The following ARB2A variants were observed in gnomAD, a reference collection of about 807,000 sequenced individuals.
The protein encoded by ARB2A is cotranscriptional regulator ARB2A.
the ARB2A span, among the ~76,000 whole-genome samples, chr5:93,997,234 C>A: frequency 6.6e-6 from 1 of 151,968 alleles, no homozygotes; most frequent in African/African-American, 2.4e-5. Context: ...ACCTTGTCAG[C>A]CTCCAAAGAA....
the ARB2A span, among the ~76,000 whole-genome samples, chr5:93,933,771 C>T: frequency 0.049 from 7,482 of 151,892 alleles, 262 homozygotes; most frequent in Middle Eastern, 0.15. Flanking sequence ...CTGCATGTTC[C>T]GCACATGTAT....
the ARB2A span, among the ~76,000 whole-genome samples, chr5:93,979,657 T>A: frequency 6.6e-6 from 1 of 152,120 alleles, no homozygotes; most frequent in African/African-American, 2.4e-5. Flanking sequence ...ATATATCACA[T>A]TAAAATTTTG....
the ARB2A span, among the ~76,000 whole-genome samples, chr5:93,911,566 G>A: frequency 1.3e-5 from 2 of 151,356 alleles, no homozygotes; most frequent in African/African-American, 4.8e-5. Flanking sequence ...CTAGCAAGTA[G>A]ATGAGACAAA....
chr5:93,902,558 A>G, the ARB2A span, among the ~76,000 whole-genome samples: 241 of 152,258 alleles, frequency 1.6e-3, 1 homozygote, highest in African/African-American at 5.5e-3. Context: ...CAGCCTACAT[A>G]GGCCATAAAA....
chr5:93,869,905 C>T, the ARB2A span, among the ~76,000 whole-genome samples: 4 of 152,214 alleles, frequency 2.6e-5, no homozygotes, highest in Admixed American at 6.5e-5. Flanking sequence ...ATTCTCTTTT[C>T]GGGCTCAGCC....
the ARB2A span, among the ~76,000 whole-genome samples, chr5:94,073,991 C>T: frequency 6.6e-6 from 1 of 152,028 alleles, no homozygotes; most frequent in Admixed American, 6.5e-5. Flanking sequence ...ATTTGGTATT[C>T]GGGATCTCTC....
chr5:94,099,780 G>T, the ARB2A span, among the ~76,000 whole-genome samples: 1 of 151,848 alleles, frequency 6.6e-6, no homozygotes. Context: ...ACTAGGTATT[G>T]AAGGAACATA....
At chr5:93,997,280 A>G in the ARB2A span, among the ~76,000 whole-genome samples, 2 of 152,032 alleles carry the variant, frequency 1.3e-5, no homozygotes, top group Non-Finnish European at 2.9e-5. Flanking sequence ...TAGTAAACAA[A>G]TATTTTATCT....
chr5:94,079,369 G>A, the ARB2A span, among the ~76,000 whole-genome samples: 2 of 152,254 alleles, frequency 1.3e-5, no homozygotes, highest in South Asian at 2.1e-4. Flanking sequence ...TCCATTATCT[G>A]ATTAGGTCAT....
At chr5:93,983,802 C>T in the ARB2A span, among the ~76,000 whole-genome samples, 1 of 152,042 alleles carries the variant, frequency 6.6e-6, no homozygotes, top group Non-Finnish European at 1.5e-5. Flanking sequence ...AGTACTTCTG[C>T]CAAAAATGCA....
chr5:93,963,165 A>G, the ARB2A span, among the ~76,000 whole-genome samples: 256 of 152,122 alleles, frequency 1.7e-3, 1 homozygote, highest in African/African-American at 5.8e-3. Context: ...ACAAAATTCT[A>G]CCCTGACTTT....
At chr5:94,101,514 C>G in the ARB2A span, among the ~76,000 whole-genome samples, 2 of 151,986 alleles carry the variant, frequency 1.3e-5, no homozygotes, top group African/African-American at 4.8e-5. Flanking sequence ...GTACTGTTCA[C>G]AACAGTAAAG....
At chr5:93,781,228 T>C in the ARB2A span, among the ~76,000 whole-genome samples, 4 of 152,304 alleles carry the variant, frequency 2.6e-5, no homozygotes, top group East Asian at 1.9e-4. Context: ...TATGTACCCA[T>C]AGTTTAGCTC....
At chr5:93,665,219 C>T in the ARB2A span, among the ~76,000 whole-genome samples, 13 of 151,960 alleles carry the variant, frequency 8.6e-5, no homozygotes, top group African/African-American at 3.1e-4. Context: ...ACATGATGTA[C>T]TAAAAAATAA....
At chr5:93,827,185 T>G in the ARB2A span, among the ~76,000 whole-genome samples, 19 of 152,292 alleles carry the variant, frequency 1.2e-4, no homozygotes, top group African/African-American at 4.3e-4. Context: ...ACTTCCACAA[T>G]GGTTGAACTA....
chr5:93,768,309 A>G, the ARB2A span, among the ~76,000 whole-genome samples: 1 of 151,598 alleles, frequency 6.6e-6, no homozygotes, highest in South Asian at 2.1e-4. Context: ...GAACTTACTC[A>G]TGTAACCAAA....
the ARB2A span, among the ~76,000 whole-genome samples, chr5:94,074,968 A>G: frequency 6.6e-6 from 1 of 152,124 alleles, no homozygotes; most frequent in African/African-American, 2.4e-5. Flanking sequence ...ATGGCATACA[A>G]GCCACAGGAA....
chr5:94,102,477 A>C, the ARB2A span, among the ~76,000 whole-genome samples: 1 of 152,146 alleles, frequency 6.6e-6, no homozygotes, highest in Non-Finnish European at 1.5e-5. Flanking sequence ...AAATAAAGGC[A>C]AACGAATAAA....
chr5:93,673,324 A>AT, the ARB2A span, among the ~76,000 whole-genome samples: 1 of 151,588 alleles, frequency 6.6e-6, no homozygotes, highest in African/African-American at 2.4e-5. Context: ...AAAATGTCTC[A>AT]TTTTCTAGAG....
Sources: allele counts gnomAD v4.1 joint callset (sites outside exome capture counted in the v4.1 genomes callset), GRCh38; gene constraint gnomAD v4.1.1; transcripts MANE v1.5; gene names NCBI Gene and HGNC (gene_info 2026-07-23, HGNC 2026-07-21).